The following DHRSX variants were observed in gnomAD, a reference collection of about 807,000 sequenced individuals.
The protein encoded by DHRSX is dehydrogenase/reductase X-linked.
DHRSX carries 31 observed loss-of-function variants against 34.0 expected under a neutral mutation model. The ratio of observed to expected loss-of-function variants is 0.91; its 90% confidence interval spans 0.69 to 1.23. The LOEUF (loss-of-function observed/expected upper bound fraction) is 1.23, where lower values mean the gene tolerates loss of function less well. DHRSX is among the 50% of genes most tolerant of loss of function. The pLI is 0.00. For synonymous variants in DHRSX, 201 were observed against 183.8 expected (o/e 1.09, Z -0.76); for missense variants, 414 against 428.1 (o/e 0.97, Z 0.29).
At chrX:2,482,542 G>T (rs983181653) in intron 1 of DHRSX, among the ~76,000 whole-genome samples, 1 of 152,218 alleles carries the variant, frequency 6.6e-6, no homozygotes, top group East Asian at 1.9e-4. Flanking sequence ...TGGGATGACA[G>T]GTGTGAGCCA....
chrX:2,460,676 C>A (rs2124685295), intron 1 of DHRSX, among the ~76,000 whole-genome samples: 1 of 152,012 alleles, frequency 6.6e-6, no homozygotes, highest in Admixed American at 6.6e-5. Flanking sequence ...CTCCAACTCC[C>A]AGGCTCAAGT....
At chrX:2,352,831 G>C (rs1392172249) in intron 3 of DHRSX, among the ~76,000 whole-genome samples, 2 of 152,190 alleles carry the variant, frequency 1.3e-5, no homozygotes, top group Non-Finnish European at 2.9e-5. Flanking sequence ...TGGGCATTCG[G>C]ACCAGCACGG....
intron 3 of DHRSX, among the ~76,000 whole-genome samples, chrX:2,345,085 C>T (rs940821781): frequency 3.3e-5 from 5 of 151,544 alleles, no homozygotes; most frequent in African/African-American, 4.8e-5. Context: ...TCACAAGTCC[C>T]CTCAGAGCAG....
intron 2 of DHRSX, among the ~76,000 whole-genome samples, chrX:2,410,697 A>T (rs1181216336): frequency 6.6e-6 from 1 of 152,248 alleles, no homozygotes; most frequent in African/African-American, 2.4e-5. Flanking sequence ...TCAAAAAACA[A>T]TGAAAATGTT....
chrX:2,416,516 A>C (rs1463356784), intron 2 of DHRSX, among the ~76,000 whole-genome samples: 1 of 152,170 alleles, frequency 6.6e-6, no homozygotes, highest in East Asian at 1.9e-4. Flanking sequence ...GTTTTACAGC[A>C]ACATAGACTT....
intron 3 of DHRSX, among the ~76,000 whole-genome samples, chrX:2,320,602 GTC>G (rs1472279446): frequency 1.7e-4 from 7 of 41,080 alleles, no homozygotes; most frequent in Admixed American, 1.3e-3. Flanking sequence ...GGCCCTGCAA[GTC>G]TGTTTTGATT....
At chrX:2,490,573 G>T in intron 1 of DHRSX, 1 of 1,614,010 alleles carries the variant, frequency 6.2e-7, no homozygotes, top group African/African-American at 1.3e-5. Flanking sequence ...GGGCCATGCA[G>T]ATGCGGCAGT....
intron 5 of DHRSX, among the ~76,000 whole-genome samples, chrX:2,253,309 G>A (rs1362580806): frequency 2.1e-5 from 3 of 139,904 alleles, no homozygotes; most frequent in African/African-American, 7.9e-5. Flanking sequence ...TGCAGCCTGG[G>A]AGGTGGACAT....
intron 1 of DHRSX, chrX:2,489,734 A>C: frequency 1.2e-6 from 2 of 1,613,198 alleles, no homozygotes; most frequent in Non-Finnish European, 1.7e-6. Context: ...GAGCATGTAC[A>C]TGGCCACGGC....
At chrX:2,230,480 G>A (rs2015851353) in intron 6 of DHRSX, among the ~76,000 whole-genome samples, 1 of 152,202 alleles carries the variant, frequency 6.6e-6, no homozygotes, top group African/African-American at 2.4e-5. Context: ...GGTAACACAG[G>A]TCTTAAGTGG....
At chrX:2,344,939 AAATT>A (rs2042685761) in intron 3 of DHRSX, among the ~76,000 whole-genome samples, 1 of 144,306 alleles carries the variant, frequency 6.9e-6, no homozygotes, top group Non-Finnish European at 1.5e-5. Context: ...ATAAAATTTC[AAATT>A]AATGATGTAA....
intron 3 of DHRSX, among the ~76,000 whole-genome samples, chrX:2,335,705 G>A (rs138952725): frequency 0.021 from 3,246 of 151,922 alleles, 121 homozygotes; most frequent in African/African-American, 0.074. Context: ...GCCTGCCCTG[G>A]CCTCCCAAAG....
Position 2,307,904 on chromosome X carries a change from A to T in DHRSX, c.287-16301T>A, listed in dbSNP as rs2042119494. Reference sequence around the variant, plus strand: ...GACACAGGAAATCGTACTTGCTAGGAGCTCAGTGGCTGCGTTCACCTGGAA... The same window carrying T: ...GACACAGGAAATCGTACTTGCTAGGTGCTCAGTGGCTGCGTTCACCTGGAA... On this transcript the variant is annotated intron_variant, in intron 3 of 6. Coordinates refer to ENST00000334651, the MANE Select transcript of DHRSX (RefSeq NM_145177.3). Among the ~76,000 whole-genome samples, 3 of 152,010 alleles carry T rather than the reference A, an allele frequency of 2.0e-5. No individual in the cohort carries two copies. In the South Asian group the frequency reaches 6.2e-4, roughly 32 times the overall value.
At chrX:2,409,025 G>A (rs1344314787) in intron 2 of DHRSX, among the ~76,000 whole-genome samples, 1 of 152,158 alleles carries the variant, frequency 6.6e-6, no homozygotes, top group Non-Finnish European at 1.5e-5. Context: ...GCCTGCATTG[G>A]CAAAAAGTAC....
rs770162492 is a variant in DHRSX, at chrX:2,322,918, T to TTTG, written c.287-31318_287-31316dup. Among the ~76,000 whole-genome samples the TTTG allele has an allele frequency of 1.7e-4, 26 of 152,050 alleles. No individual in the cohort carries two copies. The East Asian group carries it at 2.7e-3, about 16-fold the overall frequency. On this transcript the variant is annotated intron_variant, in intron 3 of 6. Coordinates refer to ENST00000334651, the MANE Select transcript of DHRSX (RefSeq NM_145177.3). ...ATTGTTCAAGGGTCAACTCTAGTTTTTTGTTGTTGTTGTTGTTGTTTTTGA... is the reference window on the plus strand; with the variant it reads ...ATTGTTCAAGGGTCAACTCTAGTTTTTTGTTGTTGTTGTTGTTGTTGTTTTTGA...
At chrX:2,298,948 G>T (rs980150525) in intron 3 of DHRSX, among the ~76,000 whole-genome samples, 1 of 131,562 alleles carries the variant, frequency 7.6e-6, no homozygotes, top group African/African-American at 3.0e-5. Flanking sequence ...TCGTGCCATT[G>T]CACTCCAGCC....
At chrX:2,241,674 C>G (rs1376457041) in intron 6 of DHRSX, among the ~76,000 whole-genome samples, 1 of 152,042 alleles carries the variant, frequency 6.6e-6, no homozygotes, top group Admixed American at 6.6e-5. Flanking sequence ...TTTGGGAGCC[C>G]GAGGCGGGTG....
At chrX:2,303,805 GT>G (rs2042047675) in intron 3 of DHRSX, among the ~76,000 whole-genome samples, 1 of 42,272 alleles carries the variant, frequency 2.4e-5, no homozygotes, top group Non-Finnish European at 4.6e-5. Context: ...GGGTGGGTGG[GT>G]GGATGGGTGG....
At chrX:2,304,207 G>GGATGGATGGATA in intron 3 of DHRSX, among the ~76,000 whole-genome samples, 8 of 32,888 alleles carry the variant, frequency 2.4e-4, no homozygotes, top group African/African-American at 8.5e-4. Flanking sequence ...ATGGATAAAT[G>GGATGGATGGATA]GATGGATGGA....
Sources: allele counts gnomAD v4.1 joint callset (sites outside exome capture counted in the v4.1 genomes callset), GRCh38; gene constraint gnomAD v4.1.1; transcripts MANE v1.5; gene names NCBI Gene and HGNC (gene_info 2026-07-23, HGNC 2026-07-21).